Variants in SLC35E3 observed in about 807,000 individuals in gnomAD.
SLC35E3 encodes solute carrier family 35 member E3.
SLC35E3 carries 28 observed loss-of-function variants against 30.8 expected under a neutral mutation model. The ratio of observed to expected loss-of-function variants is 0.91; its 90% confidence interval spans 0.67 to 1.25. The LOEUF is 1.25. SLC35E3 is among the 50% of genes most tolerant of loss of function. The probability of loss-of-function intolerance (pLI) is 0.00; values close to 1 mark genes in which losing one functional copy is unlikely to be tolerated. For missense variants in SLC35E3, 365 were observed against 375.4 expected (o/e 0.97, Z 0.23); for synonymous variants, 146 against 149.2 (o/e 0.98, Z 0.16).
chr12:68,757,010 A>G (rs539115142), intron 3 of SLC35E3, among the ~76,000 whole-genome samples: 4 of 152,228 alleles, frequency 2.6e-5, no homozygotes, highest in African/African-American at 4.8e-5. Flanking sequence ...GTGAGACTCC[A>G]AATAAATAAA....
Position 68,752,087 on chromosome 12 carries a change from A to AC in SLC35E3, c.571dup (p.Gln191ProfsTer17). On this transcript the variant is annotated frameshift_variant, in exon 3 of 5. Transcript: ENST00000398004. LOFTEE classifies it high-confidence loss of function. ...GTGAACTCAATGCAGCTGCTGTACT[A>AC]CCAGGCTCCGATGTCATCTGCCATG... 6.2e-7 allele frequency: 1 copy of AC among 1,613,600 alleles called. No homozygotes were observed. The highest frequency in any genetic ancestry group is 1.1e-5 in the South Asian group (1 of 90,948).
intron 2 of SLC35E3, among the ~76,000 whole-genome samples, chr12:68,748,556 G>C (rs887290012): frequency 1.3e-5 from 2 of 151,926 alleles, no homozygotes; most frequent in Non-Finnish European, 2.9e-5. Flanking sequence ...TAAATATAGA[G>C]TAATTTATAT....
At chr12:68,756,216 T>TAG (rs1878995096) in intron 3 of SLC35E3, among the ~76,000 whole-genome samples, 1 of 149,872 alleles carries the variant, frequency 6.7e-6, no homozygotes, top group Admixed American at 6.7e-5. Flanking sequence ...CATTGCAGCC[T>TAG]AGAGACCTTA....
rs1431034654 is a variant in SLC35E3 at position 68,746,772 on chromosome 12, T to C, written c.395T>C (p.Leu132Pro). ...YQKTFSTRIQ[L>P]TLIPITLGVI... ...AAAACCTTCTCCACCAGAATCCAGC[T>C]CACGCTGGTGAGTAGCTTCAGCTTC... is the stretch of plus-strand genomic sequence containing the variant. The change falls in exon 1 of 5, where the codon CTC becomes CCC. Residue 132 changes from leucine to proline, a missense_variant. Leu to Pro is a moderately conservative substitution (Grantham distance 98). Coordinates refer to ENST00000398004, the MANE Select transcript of SLC35E3 (RefSeq NM_018656.5). 6.3e-7 allele frequency: 1 copy of C among 1,584,008 alleles called. No individual in the cohort carries two copies. Among genetic ancestry groups the C allele is most frequent in the Non-Finnish European group, 8.6e-7 (1 of 1,161,582 alleles).
intron 1 of SLC35E3, 73 bp downstream of exon 1, chr12:68,746,852 G>T: frequency 7.1e-7 from 1 of 1,415,624 alleles, no homozygotes; most frequent in East Asian, 2.3e-5. Flanking sequence ...AAATTCGAAC[G>T]CACACTGGTC....
intron 3 of SLC35E3, among the ~76,000 whole-genome samples, chr12:68,755,015 C>T (rs930479240): frequency 1.3e-5 from 2 of 152,202 alleles, no homozygotes; most frequent in African/African-American, 4.8e-5. Context: ...AGTCTGAGAA[C>T]AGGCTGCCAG....
rs1565712710 is a variant in SLC35E3, at chr12:68,752,321, G to C, written c.672+131G>C. ...TTTATCGTCATAATCACCATAAAAG[G>C]AGGTAAGGTAAGGATTCTTTTTCAG... On this transcript the variant is annotated intron_variant, in intron 3 of 4. Coordinates refer to ENST00000398004, the MANE Select transcript of SLC35E3 (RefSeq NM_018656.5). The C allele has an allele frequency of 8.3e-6, 8 of 968,046 alleles. No homozygotes were observed. The East Asian group carries it at 2.1e-4, about 25-fold the overall frequency. The allele number at this position is 968,046 out of a possible 1,614,324, so 60.0% of individuals were successfully genotyped here.
Position 68,753,834 on chromosome 12 carries a change from A to ACACACACACC in SLC35E3, c.672+1645_672+1646insACACACACCC, listed in dbSNP as rs762941770. On this transcript the variant is annotated intron_variant, in intron 3 of 4. Coordinates refer to ENST00000398004, the MANE Select transcript of SLC35E3 (RefSeq NM_018656.5). The stretch of plus-strand genomic sequence containing the variant: ...TACACACACACACACACACACACAC[A>ACACACACACC]CCCCAATTAAACATCTATTTCTTTT... Among the ~76,000 whole-genome samples the ACACACACACC allele has an allele frequency of 6.8e-4, 101 of 148,040 alleles. 2 individuals carry two copies. The South Asian group carries it at 0.014, about 20-fold the overall frequency.
rs1879625913 is a variant in SLC35E3 at position 68,772,411 on chromosome 12, A to C, written c.*7521A>C. ...CTCATAGATACCATTTTTATAACTTATATGAGACGCATTTAATGTAATCAT... is the reference window on the plus strand; with the variant it reads ...CTCATAGATACCATTTTTATAACTTCTATGAGACGCATTTAATGTAATCAT... On this transcript the variant is annotated 3_prime_UTR_variant, in exon 5 of 5. Transcript: ENST00000398004. The C allele has an allele frequency of 6.6e-6, 1 of 152,256 alleles. No individual in the cohort carries two copies. Among genetic ancestry groups the C allele is most frequent in the South Asian group, 2.1e-4 (1 of 4,826 alleles). 9.4% of individuals were successfully genotyped at this position (152,256 alleles called of 1,614,324 possible). A position where few individuals can be genotyped will look rare whatever the true frequency, so the allele number is the denominator to read the frequency against.
Position 68,746,484 on chromosome 12 carries a change from A to G in SLC35E3, c.107A>G (p.Tyr36Cys), listed in dbSNP as rs776092356. Residue 36 changes from tyrosine (Y) to cysteine (C), a missense_variant, in exon 1 of 5, where the codon TAT becomes TGT. By Grantham distance (194) the Tyr-to-Cys change is radical. Transcript: ENST00000398004. The stretch of plus-strand genomic sequence containing the variant: ...ATTGTGTTCCTCAACAAATGGATTT[A>G]TGTGTACCACGGCTTCCCCAACATG... Reference protein sequence around the residue: ...ICIVFLNKWIYVYHGFPNMSL... With the variant: ...ICIVFLNKWICVYHGFPNMSL... 5 of 1,614,088 alleles carry G rather than the reference A, an allele frequency of 3.1e-6. No individual in the cohort carries two copies. Among genetic ancestry groups the G allele is most frequent in the Admixed American group, 1.7e-5 (1 of 60,006 alleles).
chr12:68,760,370 G>A lies in SLC35E3; in HGVS notation c.755+1131G>A, dbSNP rs372693969. ...CCAACTATCAATAAAAAACAACAAC[G>A]ATAAGTTTTTTAGAAAACCAATACT... On this transcript the variant is annotated intron_variant, in intron 4 of 4. Coordinates refer to ENST00000398004, the MANE Select transcript of SLC35E3 (RefSeq NM_018656.5). 3.7e-4 allele frequency among the ~76,000 whole-genome samples: 56 copies of A among 152,224 alleles called. 1 individual carries two copies. In the South Asian group the frequency reaches 7.7e-3, roughly 21 times the overall value.
In SLC35E3 at chr12:68,775,510, T is replaced by A. The variant is rs1432957241; in HGVS notation, c.*10620T>A. Reference sequence around the variant, plus strand: ...TGGTAGCTCAGGTCTCTCTTCCTCTTCTTATAAAGGCACCAGTCTCACTGG... The same window carrying A: ...TGGTAGCTCAGGTCTCTCTTCCTCTACTTATAAAGGCACCAGTCTCACTGG... On this transcript the variant is annotated 3_prime_UTR_variant, in exon 5 of 5. Transcript: ENST00000398004. 1 of 152,176 alleles carries A rather than the reference T, an allele frequency of 6.6e-6. No individual in the cohort carries two copies. Among genetic ancestry groups the A allele is most frequent in the East Asian group, 1.9e-4 (1 of 5,184 alleles). 9.4% of individuals were successfully genotyped at this position (152,176 alleles called of 1,614,324 possible). A position where few individuals can be genotyped will look rare whatever the true frequency, so the allele number is the denominator to read the frequency against.
rs943102889 is a variant in SLC35E3 at position 68,767,316 on chromosome 12, A to T, written c.*2426A>T. On this transcript the variant is annotated 3_prime_UTR_variant, in exon 5 of 5. Transcript: ENST00000398004. ...TGGAGAAAACAACTCTTAGGAGAAC[A>T]AAGACCAGCCCGGGCAACATGGCAA... is the stretch of plus-strand genomic sequence containing the variant. 1 of 152,162 alleles carries T rather than the reference A, an allele frequency of 6.6e-6. No homozygotes were observed. The highest frequency in any genetic ancestry group is 2.4e-5 in the African/African-American group (1 of 41,434). 9.4% of individuals were successfully genotyped at this position (152,162 alleles called of 1,614,324 possible).
rs1879503632 is a variant in SLC35E3 at position 68,768,258 on chromosome 12, C to T, written c.*3368C>T. On this transcript the variant is annotated 3_prime_UTR_variant, in exon 5 of 5. Transcript: ENST00000398004. ...GAGCCGAGACTGCGCCATTGCACAC[C>T]AGCCTGGGTGACGAGAGTGAAACTC... 6.6e-6 allele frequency: 1 copy of T among 151,496 alleles called. No individual in the cohort carries two copies. Among genetic ancestry groups the T allele is most frequent in the Non-Finnish European group, 1.5e-5 (1 of 67,956 alleles). 9.4% of individuals were successfully genotyped at this position (151,496 alleles called of 1,614,324 possible).
chr12:68,762,967 G>A (rs560423038), intron 4 of SLC35E3, among the ~76,000 whole-genome samples: 183 of 152,332 alleles, frequency 1.2e-3, no homozygotes, highest in Admixed American at 6.2e-3. Context: ...CTGTGGGCCT[G>A]ACTAGTGTGG....
At position 68,769,235 on chromosome 12, in the gene SLC35E3, C is replaced by T. The variant is rs1879537853; in HGVS notation, c.*4345C>T. 1 of 98,124 alleles carries T rather than the reference C, an allele frequency of 1.0e-5. No individual in the cohort carries two copies. Among genetic ancestry groups the T allele is most frequent in the Non-Finnish European group, 2.1e-5 (1 of 48,308 alleles). 6.1% of individuals were successfully genotyped at this position (98,124 alleles called of 1,614,324 possible). On this transcript the variant is annotated 3_prime_UTR_variant, in exon 5 of 5. Coordinates refer to ENST00000398004, the MANE Select transcript of SLC35E3 (RefSeq NM_018656.5). ...CCAGCCTGGGCAACAGAGCAAGACT[C>T]CATCTCAATAATAATAATAATAATA... is the stretch of plus-strand genomic sequence containing the variant.
intron 2 of SLC35E3, among the ~76,000 whole-genome samples, chr12:68,749,670 G>A (rs1878719543): frequency 6.6e-6 from 1 of 152,118 alleles, no homozygotes; most frequent in Non-Finnish European, 1.5e-5. Context: ...AAGACTTTAC[G>A]GAAAAGTTAA....
intron 2 of SLC35E3, among the ~76,000 whole-genome samples, chr12:68,751,645 A>G (rs894094332): frequency 3.9e-5 from 6 of 152,120 alleles, no homozygotes; most frequent in Non-Finnish European, 8.8e-5. Context: ...ATGAAGTCCA[A>G]CACTGCATCT....
chr12:68,753,981 G>A (rs1006257235), intron 3 of SLC35E3, among the ~76,000 whole-genome samples: 6 of 151,844 alleles, frequency 4.0e-5, no homozygotes, highest in African/African-American at 1.5e-4. Flanking sequence ...ACCCTAGCTG[G>A]GACTATAGGC....
Sources: gnomAD v4.1 joint callset for allele counts (sites outside exome capture counted in the v4.1 genomes callset) on GRCh38, gnomAD v4.1.1 for gene constraint, MANE v1.5 for transcripts, NCBI Gene and HGNC (gene_info 2026-07-23, HGNC 2026-07-21) for gene names.